The following ADAMTSL4 variants were observed in gnomAD, a reference collection of about 807,000 sequenced individuals.
ADAMTSL4 encodes ADAMTS-like protein 4.
In ADAMTSL4, 97 loss-of-function variants were observed where a neutral mutation model predicts 122.8. The ratio of observed to expected loss-of-function variants is 0.79; its 90% CI spans 0.67 to 0.93. The LOEUF (loss-of-function observed/expected upper bound fraction) is 0.93. Ranked by LOEUF, ADAMTSL4 falls within the 40% of genes least tolerant of loss-of-function variation. ADAMTSL4 has a pLI of 0.00. For missense variants in ADAMTSL4, 1,408 were observed against 1,453.5 expected, an observed-to-expected ratio of 0.97 and a Z score of 0.51; for synonymous variants, 592 against 568.0, an observed-to-expected ratio of 1.04 and a Z score of -0.60.
rs1459602795 is a variant in ADAMTSL4 at position 150,559,891 on chromosome 1, G to A, written c.3074G>A (p.Cys1025Tyr). 1 of 1,613,800 alleles carries A rather than the reference G, an allele frequency of 6.2e-7. No individual in the cohort carries two copies. The highest frequency in any genetic ancestry group is 8.5e-7 in the Non-Finnish European group (1 of 1,180,014). ...AAGCGCCCCTGTAACAGCCAACCCT[G>A]CAGCCAGCGCCCTGGTAAAGAGCCC... ...SRKRPCNSQP[C>Y]SQRPDDQCKD... The change falls in exon 18 of 19, where the codon TGC (cysteine) becomes TAC (tyrosine). Residue 1025 changes from cysteine (C) to tyrosine (Y), a missense_variant. Transcript: ENST00000271643. This position sits in a 1 kb window ranked among gnomAD's most constrained non-coding sequence, Gnocchi z 4.1.
At position 150,553,531 on chromosome 1, in the gene ADAMTSL4, A is replaced by G; in HGVS notation, c.540A>G (p.Arg180=). 6.2e-7 allele frequency: 1 copy of G among 1,613,878 alleles called. No homozygotes were observed. The highest frequency in any genetic ancestry group is 8.5e-7 in the Non-Finnish European group (1 of 1,179,958). Reference sequence around the variant, plus strand: ...GCAGGCACCCTCGGAGCCCACCCAGATCTGAGCTGTCCCTGATCTCTTCTA... The same window carrying G: ...GCAGGCACCCTCGGAGCCCACCCAGGTCTGAGCTGTCCCTGATCTCTTCTA... ...RNRRHPRSPP[R]SELSLISSRG... is the part of the protein sequence containing the mutation. Residue 180 remains arginine, a synonymous_variant, in exon 6 of 19, where the codon AGA becomes AGG. Coordinates refer to ENST00000271643, the MANE Select transcript of ADAMTSL4 (RefSeq NM_019032.6).
chr1:150,557,622 TAGTG>T lies in ADAMTSL4; in HGVS notation c.2177+3_2177+6del, dbSNP rs1364255987. 7.5e-6 allele frequency: 12 copies of T among 1,599,452 alleles called. No homozygotes were observed. In the African/African-American group the frequency reaches 9.4e-5, roughly 13 times the overall value. On this transcript the variant is annotated splice_donor_variant and splice_donor_region_variant and coding_sequence_variant and intron_variant, in exon 13 of 19. Transcript: ENST00000271643. LOFTEE classifies it high-confidence loss of function. ...CTGCCACGGCACCCCATGCCCCCCA[TAGTG>T]AGTATGGGGGAGCCCACGGGGAGGG...
chr1:150,552,013 GGAGGGCT>G lies in ADAMTSL4; in HGVS notation c.-84-187_-84-181del, dbSNP rs1278955996. On this transcript the variant is annotated intron_variant, in intron 2 of 18. Coordinates refer to ENST00000271643, the MANE Select transcript of ADAMTSL4 (RefSeq NM_019032.6). This position sits in a 1 kb window ranked among gnomAD's most constrained non-coding sequence, Gnocchi z 4.0. Reference sequence around the variant, plus strand: ...CAGAGGTGGGGACTGAGCCTTAGTTGGAGGGCTGAGGTCAGCCCCTGACCATGTAGCC... The same window carrying G: ...CAGAGGTGGGGACTGAGCCTTAGTTGGAGGTCAGCCCCTGACCATGTAGCC... 39 of 503,416 alleles carry G rather than the reference GGAGGGCT, an allele frequency of 7.7e-5. No individual in the cohort carries two copies. In the Middle Eastern group the frequency reaches 1.0e-3, roughly 13 times the overall value. 31.2% of individuals were successfully genotyped at this position (503,416 alleles called of 1,614,324 possible).
intron 14 of ADAMTSL4, 125 bp downstream of exon 14, chr1:150,558,274 CA>C: frequency 3.9e-6 from 6 of 1,536,950 alleles, no homozygotes; most frequent in Non-Finnish European, 5.3e-6. Context: ...TATGGACCCC[CA>C]ATATAGAAGT....
chr1:150,558,222 CT>C, intron 14 of ADAMTSL4, 73 bp downstream of exon 14: 3 of 1,598,228 alleles, frequency 1.9e-6, no homozygotes, highest in Non-Finnish European at 2.6e-6. Context: ...GGTTTTTCAA[CT>C]TCTTTTTCAT....
Position 150,556,852 on chromosome 1 carries a change from G to C in ADAMTSL4, c.1749+59G>C. The C allele has an allele frequency of 6.2e-7, 1 of 1,611,980 alleles. No homozygotes were observed. The highest frequency in any genetic ancestry group is 1.1e-5 in the South Asian group (1 of 90,986). On this transcript the variant is annotated intron_variant, in intron 10 of 18. Coordinates refer to ENST00000271643, the MANE Select transcript of ADAMTSL4 (RefSeq NM_019032.6). This position sits in a 1 kb window ranked among gnomAD's most constrained non-coding sequence, Gnocchi z 4.1. ...GGAGGGAGGCTGTTCCCTCTGGGCA[G>C]AGCTGTGGTTGTCAAGATGGGAGAG...
Position 150,557,268 on chromosome 1 carries a change from C to T in ADAMTSL4, c.1980C>T (p.Pro660=), listed in dbSNP as rs762016654. The change falls in exon 12 of 19, where the codon CCC becomes CCT. Residue 660 remains proline, a synonymous_variant. Coordinates refer to ENST00000271643, the MANE Select transcript of ADAMTSL4 (RefSeq NM_019032.6). ...CCGCCCCGCCCCATCCCAGGACACC[C>T]CTGGGGTCTCCAGCTGCGTACTGGA... ...QMPAPPHPRT[P]LGSPAAYWKR... 1.2e-6 allele frequency: 2 copies of T among 1,612,054 alleles called. No homozygotes were observed. The highest frequency in any genetic ancestry group is 8.5e-7 in the Non-Finnish European group (1 of 1,179,570).
rs753630410 is a variant in ADAMTSL4, at chr1:150,552,508, A to T, written c.21-35A>T. 4 of 1,613,832 alleles carry T rather than the reference A, an allele frequency of 2.5e-6. No individual in the cohort carries two copies. The South Asian group carries it at 3.3e-5, about 13-fold the overall frequency. On this transcript the variant is annotated intron_variant, in intron 3 of 18. Coordinates refer to ENST00000271643, the MANE Select transcript of ADAMTSL4 (RefSeq NM_019032.6). This position sits in a 1 kb window ranked among gnomAD's most constrained non-coding sequence, Gnocchi z 4.0. ...GTGTTGCAACACCCCCTCTGGCTCC[A>T]GTCTGACGTCCCTCCCCTGGCCTTT...
intron 15 of ADAMTSL4, 76 bp from the exon 16 acceptor site, chr1:150,558,886 C>T: frequency 6.5e-7 from 1 of 1,542,198 alleles, no homozygotes; most frequent in Non-Finnish European, 8.7e-7. Context: ...CAGGATGCGT[C>T]CCTCCCTGCC....
chr1:150,556,667 T>C lies in ADAMTSL4; in HGVS notation c.1623T>C (p.Ala541=). 2 of 1,614,000 alleles carry C rather than the reference T, an allele frequency of 1.2e-6. No homozygotes were observed. The highest frequency in any genetic ancestry group is 1.7e-6 in the Non-Finnish European group (2 of 1,179,972). The part of the protein sequence containing the change: ...GGRSIINGNW[A]VDPPGSYRAG... ...GGTCCATCATCAATGGGAACTGGGC[T>C]GTGGATCCCCCTGGGTCCTACAGGG... Residue 541 remains alanine, a synonymous_variant, in exon 10 of 19, where the codon GCT becomes GCC. Transcript: ENST00000271643. The surrounding 1 kb of genome is among the most constrained non-coding windows in gnomAD (Gnocchi z 4.1).
At position 150,554,060 on chromosome 1, in the gene ADAMTSL4, C is replaced by T. The variant is rs971280215; in HGVS notation, c.1069C>T (p.Pro357Ser). 6.2e-7 allele frequency: 1 copy of T among 1,606,408 alleles called. No individual in the cohort carries two copies. The highest frequency in any genetic ancestry group is 1.7e-5 in the Admixed American group (1 of 60,020). The change falls in exon 6 of 19, where the codon CCC (proline) becomes TCC (serine). Residue 357 changes from proline (P) to serine (S), a missense_variant. Pro to Ser is a moderately conservative substitution (Grantham distance 74). Transcript: ENST00000271643. The surrounding 1 kb of genome is among the most constrained non-coding windows in gnomAD (Gnocchi z 4.0). ...HASSLWSLFA[P>S]SSPIPRCSGE... ...CAGCTCCCTCTGGAGCCTCTTTGCTCCCAGTAGCCCTATTCCAAGATGTTC... is the reference window on the plus strand; with the variant it reads ...CAGCTCCCTCTGGAGCCTCTTTGCTTCCAGTAGCCCTATTCCAAGATGTTC...
rs587603507 is a variant in ADAMTSL4 at position 150,554,654 on chromosome 1, G to T, written c.1234+187G>T. 2.9e-5 allele frequency: 44 copies of T among 1,538,578 alleles called. No individual in the cohort carries two copies. In the East Asian group the frequency reaches 1.0e-3, roughly 35 times the overall value. On this transcript the variant is annotated intron_variant, in intron 7 of 18. Coordinates refer to ENST00000271643, the MANE Select transcript of ADAMTSL4 (RefSeq NM_019032.6). This position sits in a 1 kb window ranked among gnomAD's most constrained non-coding sequence, Gnocchi z 4.0. Reference sequence around the variant, plus strand: ...CAGGTGGTGAGTGGTCTGCAGAAGGGTCGGGGTGGGAGGAGGAGGTGTGGG... The same window carrying T: ...CAGGTGGTGAGTGGTCTGCAGAAGGTTCGGGGTGGGAGGAGGAGGTGTGGG...
Position 150,557,574 on chromosome 1 carries a change from A to G in ADAMTSL4, c.2128A>G (p.Arg710Gly). Reference sequence around the variant, plus strand: ...TGAACGCAGCTGTGCCGCGGGTGCCAGGCCCCCAGCCTCCCCTGAACCCTG... The same window carrying G: ...TGAACGCAGCTGTGCCGCGGGTGCCGGGCCCCCAGCCTCCCCTGAACCCTG... ...LDERSCAAGA[R>G]PPASPEPCHG... is the part of the protein sequence containing the mutation. Residue 710 changes from arginine to glycine, a missense_variant, in exon 13 of 19, where the codon AGG becomes GGG. Physicochemically the swap from Arg to Gly is moderately radical, Grantham distance 125 (BLOSUM62 -2). Coordinates refer to ENST00000271643, the MANE Select transcript of ADAMTSL4 (RefSeq NM_019032.6). The G allele has an allele frequency of 6.2e-7, 1 of 1,605,012 alleles. No individual in the cohort carries two copies. The highest frequency in any genetic ancestry group is 8.5e-7 in the Non-Finnish European group (1 of 1,176,392).
chr1:150,558,687 G>T lies in ADAMTSL4; in HGVS notation c.2559+38G>T, dbSNP rs1672473894. ...CCCCCAGCCATATCCTGCATCCTGGGTAACCACGCCCAGGACACCTCAGCC... is the reference window on the plus strand; with the variant it reads ...CCCCCAGCCATATCCTGCATCCTGGTTAACCACGCCCAGGACACCTCAGCC... On this transcript the variant is annotated intron_variant, in intron 15 of 18. Transcript: ENST00000271643. The T allele has an allele frequency of 2.5e-6, 4 of 1,613,654 alleles. No homozygotes were observed. The East Asian group carries it at 8.9e-5, about 36-fold the overall frequency.
chr1:150,549,681 GGAGGGAGTCT>G lies in ADAMTSL4; in HGVS notation c.-158-138_-158-129del, dbSNP rs1043897693. ...CCAGCCCCTGGGGTCGAATTCCTGGGGAGGGAGTCTGATCCCGTGGAACTCTGGCCCCATC... is the reference window on the plus strand; with the variant it reads ...CCAGCCCCTGGGGTCGAATTCCTGGGGATCCCGTGGAACTCTGGCCCCATC... On this transcript the variant is annotated intron_variant, in intron 1 of 18. Coordinates refer to ENST00000271643, the MANE Select transcript of ADAMTSL4 (RefSeq NM_019032.6). This position sits in a 1 kb window ranked among gnomAD's most constrained non-coding sequence, Gnocchi z 5.0. The G allele has an allele frequency of 6.6e-6, 1 of 152,500 alleles. No individual in the cohort carries two copies. The highest frequency in any genetic ancestry group is 2.4e-5 in the African/African-American group (1 of 41,458). 9.4% of individuals were successfully genotyped at this position (152,500 alleles called of 1,614,324 possible). A position where few individuals can be genotyped will look rare whatever the true frequency, so the allele number is the denominator to read the frequency against.
chr1:150,554,606 T>G lies in ADAMTSL4; in HGVS notation c.1234+139T>G, dbSNP rs1193854805. On this transcript the variant is annotated intron_variant, in intron 7 of 18. Transcript: ENST00000271643. The surrounding 1 kb of genome is among the most constrained non-coding windows in gnomAD (Gnocchi z 4.0). ...TGCGCCATGCCTTCTTTCTTCTCCC[T>G]GGGGCTGGGTCAGGAGACAGCACAG... is the stretch of plus-strand genomic sequence containing the variant. 6.5e-7 allele frequency: 1 copy of G among 1,548,108 alleles called. No homozygotes were observed. The highest frequency in any genetic ancestry group is 8.7e-7 in the Non-Finnish European group (1 of 1,147,224).
intron 14 of ADAMTSL4, 76 bp downstream of exon 14, chr1:150,558,225 C>G: frequency 6.3e-7 from 1 of 1,596,988 alleles, no homozygotes. Context: ...TTTTCAACTT[C>G]TTTTTCATCA....
At chr1:150,558,732 A>G in intron 15 of ADAMTSL4, 83 bp downstream of exon 15, 2 of 1,609,802 alleles carry the variant, frequency 1.2e-6, no homozygotes, top group Non-Finnish European at 1.7e-6. Context: ...TAGCTCAATA[A>G]ACTTGTATTG....
Position 150,552,999 on chromosome 1 carries a change from CG to C in ADAMTSL4, c.184del (p.Val62TrpfsTer71), listed in dbSNP as rs2101568680. The C allele has an allele frequency of 6.2e-7, 1 of 1,613,216 alleles. No homozygotes were observed. The highest frequency in any genetic ancestry group is 1.7e-5 in the Admixed American group (1 of 59,992). On this transcript the variant is annotated frameshift_variant, in exon 5 of 19. Transcript: ENST00000271643. LOFTEE classifies it high-confidence loss of function. The surrounding 1 kb of genome is among the most constrained non-coding windows in gnomAD (Gnocchi z 4.0). The stretch of plus-strand genomic sequence containing the variant: ...AGTGGGCCTCTTGCTCCCAGCCCTG[CG>C]GGGTGGGGGTGCAGCGCAGGAGCCG... ...VQWASCSQPC[G>X]VGVQRRSRTC...
Sources: allele counts gnomAD v4.1 joint callset, GRCh38; gene constraint gnomAD v4.1.1; non-coding constraint Gnocchi (gnomAD v3.1); transcripts MANE v1.5; gene names NCBI Gene and HGNC (gene_info 2026-07-23, HGNC 2026-07-21).